Variants in LSM12 observed in about 807,000 individuals in gnomAD.
The protein encoded by LSM12 is protein LSM12.
For synonymous variants in LSM12, 74 were observed against 87.3 expected (o/e 0.85, Z 0.85); for missense variants, 108 against 238.9 (o/e 0.45, Z 3.61).
At position 44,035,694 on chromosome 17, in the gene LSM12, A is replaced by AT. The variant is rs1567953538; in HGVS notation, c.*513_*514insA. On this transcript the variant is annotated 3_prime_UTR_variant, in exon 5 of 5. Coordinates refer to ENST00000293406, the MANE Select transcript of LSM12 (RefSeq NM_001371445.1). ...GCCCTGTGCAAAAAAAAAAAAAAAAAGAAAAAAGAAAAAAAAAGGAAAAGA... is the reference window on the plus strand; with the variant it reads ...GCCCTGTGCAAAAAAAAAAAAAAAAATGAAAAAAGAAAAAAAAAGGAAAAGA... 2 of 139,300 alleles carry AT rather than the reference A, an allele frequency of 1.4e-5. No homozygotes were observed. Among genetic ancestry groups the AT allele is most frequent in the Admixed American group, 7.3e-5 (1 of 13,696 alleles). The allele number at this position is 139,300 out of a possible 1,614,324, so 8.6% of individuals were successfully genotyped here.
At chr17:44,064,696 G>A (rs534017262) in intron 1 of LSM12, among the ~76,000 whole-genome samples, 8 of 147,532 alleles carry the variant, frequency 5.4e-5, no homozygotes, top group African/African-American at 2.0e-4. Context: ...TGGTGCCACT[G>A]CACTCCAGCC....
intron 3 of LSM12, among the ~76,000 whole-genome samples, chr17:44,038,971 G>C (rs1324470197): frequency 6.6e-6 from 1 of 152,226 alleles, no homozygotes; most frequent in Non-Finnish European, 1.5e-5. Flanking sequence ...TGGGGTGGGG[G>C]GAGGCGGGGT....
intron 1 of LSM12, among the ~76,000 whole-genome samples, chr17:44,064,305 C>T (rs1367369674): frequency 6.6e-6 from 1 of 152,182 alleles, no homozygotes; most frequent in Non-Finnish European, 1.5e-5. Flanking sequence ...GTGAGCTTTC[C>T]CATTTTGCAG....
In LSM12 at chr17:44,059,727, TTAAG is replaced by T. The variant is rs1465233843; in HGVS notation, c.258+4070_258+4073del. Among the ~76,000 whole-genome samples the T allele has an allele frequency of 2.0e-5, 3 of 152,352 alleles. No homozygotes were observed. The South Asian group carries it at 6.2e-4, about 32-fold the overall frequency. ...TATACCTTCCCTAGTTGAGCTATTA[TTAAG>T]TATTTCCTGTATAAGCCCTTCTCTT... is the stretch of plus-strand genomic sequence containing the variant. On this transcript the variant is annotated intron_variant, in intron 2 of 4. Transcript: ENST00000293406.
intron 2 of LSM12, among the ~76,000 whole-genome samples, chr17:44,058,751 G>C (rs1316148794): frequency 6.6e-6 from 1 of 152,130 alleles, no homozygotes; most frequent in African/African-American, 2.4e-5. Flanking sequence ...AGAATTGCTT[G>C]AACCTAGGAG....
upstream of LSM12, chr17:44,067,429 A>G (rs1382724164): frequency 1.3e-5 from 2 of 152,270 alleles, no homozygotes; most frequent in Admixed American, 6.5e-5. Flanking sequence ...CCTGACCTTG[A>G]GCAAGCAAAT....
At chr17:44,058,073 A>G (rs2049742614) in intron 2 of LSM12, among the ~76,000 whole-genome samples, 1 of 151,658 alleles carries the variant, frequency 6.6e-6, no homozygotes, top group Non-Finnish European at 1.5e-5. Context: ...TGTCTCTACT[A>G]AAAATACAAA....
intron 2 of LSM12, among the ~76,000 whole-genome samples, chr17:44,043,270 C>G (rs1211076533): frequency 6.6e-6 from 1 of 152,220 alleles, no homozygotes; most frequent in Non-Finnish European, 1.5e-5. Flanking sequence ...GAAGCCAGAG[C>G]TCCTTTTTCA....
At chr17:44,052,263 A>C (rs549183307) in intron 2 of LSM12, among the ~76,000 whole-genome samples, 5 of 151,806 alleles carry the variant, frequency 3.3e-5, no homozygotes, top group East Asian at 3.9e-4. Flanking sequence ...CAAACAACAA[A>C]AAAAAAACCC....
chr17:44,066,268 C>T (rs1332524137), intron 1 of LSM12, among the ~76,000 whole-genome samples, 196 bp downstream of exon 1: 2 of 152,072 alleles, frequency 1.3e-5, no homozygotes, highest in Non-Finnish European at 2.9e-5. Flanking sequence ...GAGAGAGAGA[C>T]AGGATCCCCA....
intron 3 of LSM12, among the ~76,000 whole-genome samples, chr17:44,038,464 C>T (rs569324343): frequency 4.4e-4 from 67 of 151,914 alleles, no homozygotes; most frequent in Non-Finnish European, 7.5e-4. Context: ...CGAGACCATC[C>T]TGGTCAACAT....
intron 2 of LSM12, among the ~76,000 whole-genome samples, chr17:44,049,660 C>A (rs1158097933): frequency 6.6e-6 from 1 of 152,204 alleles, no homozygotes. Context: ...GCCAAAAGAA[C>A]AAAATCCAAG....
In LSM12 at chr17:44,052,798, A is replaced by C. The variant is rs142893660; in HGVS notation, c.258+11003T>G. On this transcript the variant is annotated intron_variant, in intron 2 of 4. Coordinates refer to ENST00000293406, the MANE Select transcript of LSM12 (RefSeq NM_001371445.1). Reference sequence around the variant, plus strand: ...ATTTATATAAATAAATAATCTATTTATATTTTATATAAACGTATATTTTTA... The same window carrying C: ...ATTTATATAAATAAATAATCTATTTCTATTTTATATAAACGTATATTTTTA... 4.0e-3 allele frequency among the ~76,000 whole-genome samples: 594 copies of C among 149,934 alleles called. 1 individual carries two copies. The highest frequency in any genetic ancestry group is 6.3e-3 in the Non-Finnish European group (428 of 67,604).
Position 44,037,551 on chromosome 17 carries a change from G to T in LSM12, c.369-13C>A, listed in dbSNP as rs766167532. The T allele has an allele frequency of 6.3e-7, 1 of 1,599,474 alleles. No individual in the cohort carries two copies. The highest frequency in any genetic ancestry group is 1.3e-5 in the African/African-American group (1 of 74,208). Reference sequence around the variant, plus strand: ...ACAGTCTTTAATGCTGGAAGGAGAAGACAGCAGGCGAAATGTAACCTCTTG... The same window carrying T: ...ACAGTCTTTAATGCTGGAAGGAGAATACAGCAGGCGAAATGTAACCTCTTG... On this transcript the variant is annotated splice_polypyrimidine_tract_variant and intron_variant, in intron 3 of 4. Transcript: ENST00000293406.
chr17:44,054,623 A>C (rs1042490536), intron 2 of LSM12, among the ~76,000 whole-genome samples: 2 of 151,990 alleles, frequency 1.3e-5, no homozygotes, highest in African/African-American at 4.8e-5. Flanking sequence ...GATTTTTAAA[A>C]TGGCAATAAA....
At chr17:44,042,789 G>T (rs1039344757) in intron 2 of LSM12, among the ~76,000 whole-genome samples, 1 of 151,984 alleles carries the variant, frequency 6.6e-6, no homozygotes, top group South Asian at 2.1e-4. Context: ...GGATGGTCTC[G>T]ATCTCCTGAC....
chr17:44,065,259 C>T (rs2049856422), intron 1 of LSM12, among the ~76,000 whole-genome samples: 1 of 151,384 alleles, frequency 6.6e-6, no homozygotes, highest in Non-Finnish European at 1.5e-5. Flanking sequence ...ATGGTGATAC[C>T]CCATCTCTGT....
intron 3 of LSM12, among the ~76,000 whole-genome samples, chr17:44,038,888 C>T (rs1167865522): frequency 6.6e-6 from 1 of 151,734 alleles, no homozygotes; most frequent in South Asian, 2.1e-4. Context: ...ACCACAGCCT[C>T]AAACAGCTCT....
chr17:44,062,698 C>T (rs183194775), intron 2 of LSM12, among the ~76,000 whole-genome samples: 1 of 151,922 alleles, frequency 6.6e-6, no homozygotes, highest in Non-Finnish European at 1.5e-5. Context: ...ATCAGCCTGG[C>T]CAGCATGGTG....
Sources: allele counts gnomAD v4.1 joint callset (sites outside exome capture counted in the v4.1 genomes callset), GRCh38; gene constraint gnomAD v4.1.1; transcripts MANE v1.5; gene names NCBI Gene and HGNC (gene_info 2026-07-23, HGNC 2026-07-21).